NAV1: variants seen among roughly 807,000 people sequenced by gnomAD.
The protein encoded by NAV1 is pore membrane and/or filament interacting like protein 3.
In NAV1, 18 loss-of-function variants were observed where a neutral mutation model predicts 175.2. That is an observed-to-expected ratio of 0.10 (90% CI 0.07 to 0.15). The LOEUF (loss-of-function observed/expected upper bound fraction) is 0.15. Among genes scored for constraint, NAV1 ranks in the 10% least tolerant of loss-of-function variants. The probability of loss-of-function intolerance (pLI) is 1.00; values close to 1 mark genes in which losing one functional copy is unlikely to be tolerated. For synonymous variants in NAV1, 897 were observed against 978.7 expected, an observed-to-expected ratio of 0.92 and a Z score of 1.56; for missense variants, 1,731 against 2,436.6, an observed-to-expected ratio of 0.71 and a Z score of 6.10.
At chr1:201,637,955 T>C (rs762569622) in intron 2 of NAV1, among the ~76,000 whole-genome samples, 1 of 152,194 alleles carries the variant, frequency 6.6e-6, no homozygotes, top group Non-Finnish European at 1.5e-5. Flanking sequence ...GTGGGAAACA[T>C]CTGGACTTCT....
chr1:201,748,075 G>A (rs1673884221), intron 3 of NAV1, among the ~76,000 whole-genome samples: 2 of 152,236 alleles, frequency 1.3e-5, no homozygotes, highest in Non-Finnish European at 1.5e-5. Flanking sequence ...GGCTCTCTGA[G>A]TGAGAAAACT....
At chr1:201,548,116 A>T (rs562372519) in intron 1 of NAV1, among the ~76,000 whole-genome samples, 7 of 152,252 alleles carry the variant, frequency 4.6e-5, no homozygotes, top group African/African-American at 1.4e-4. Context: ...AGGTGTTAGC[A>T]CATGCTATGC....
chr1:201,695,824 G>A (rs1168129065), intron 1 of NAV1, among the ~76,000 whole-genome samples: 1 of 152,208 alleles, frequency 6.6e-6, no homozygotes, highest in East Asian at 1.9e-4. Flanking sequence ...CCAGGCCTGA[G>A]ACCCCACCCT....
intron 3 of NAV1, among the ~76,000 whole-genome samples, chr1:201,743,143 G>A (rs1372686123): frequency 1.3e-5 from 2 of 152,180 alleles, no homozygotes; most frequent in African/African-American, 4.8e-5. Context: ...AAAGATCACA[G>A]TAGTGGGATT....
chr1:201,766,717 A>G (rs1426182335), intron 3 of NAV1, among the ~76,000 whole-genome samples: 3 of 152,194 alleles, frequency 2.0e-5, no homozygotes, highest in African/African-American at 7.2e-5. Flanking sequence ...TGTAGCAGCT[A>G]AAGAACTCCA....
At position 201,750,370 on chromosome 1, in the gene NAV1, C is replaced by G. The variant is rs995277352; in HGVS notation, c.1227-30051C>G. Among the ~76,000 whole-genome samples, 3 of 151,904 alleles carry G rather than the reference C, an allele frequency of 2.0e-5. No homozygotes were observed. The highest frequency in any genetic ancestry group is 4.4e-5 in the Non-Finnish European group (3 of 67,978). ...AACTGTTCATGGTATGAGAGTTGAC[C>G]AAGTCAGGGTGGGGAGGGGAGGAAG... is the stretch of plus-strand genomic sequence containing the variant. On this transcript the variant is annotated intron_variant, in intron 3 of 29. Transcript: ENST00000367296. This position sits in a 1 kb window ranked among gnomAD's most constrained non-coding sequence, Gnocchi z 4.1.
At chr1:201,806,076 G>A (rs61821749) in intron 17 of NAV1, among the ~76,000 whole-genome samples, 12,271 of 150,626 alleles carry the variant, frequency 0.081, 814 homozygotes, top group East Asian at 0.31. Context: ...CCTCGGCCTC[G>A]CGGGTTCAAG....
intron 1 of NAV1, among the ~76,000 whole-genome samples, chr1:201,570,355 A>G (rs1325528134): frequency 6.6e-6 from 1 of 152,190 alleles, no homozygotes; most frequent in Non-Finnish European, 1.5e-5. Flanking sequence ...GTTCCTCTCT[A>G]GTTCCAGGGG....
chr1:201,756,171 A>G (rs913149344), intron 3 of NAV1, among the ~76,000 whole-genome samples: 14 of 151,718 alleles, frequency 9.2e-5, no homozygotes, highest in Non-Finnish European at 1.8e-4. Context: ...AAAAGTTGCC[A>G]CTTAACAGTT....
chr1:201,656,616 G>A (rs750772768), intron 1 of NAV1, among the ~76,000 whole-genome samples: 1 of 152,196 alleles, frequency 6.6e-6, no homozygotes. Flanking sequence ...CAAACCCCTA[G>A]AACTCGGGTG....
At chr1:201,636,367 G>T (rs1462821058) in intron 2 of NAV1, among the ~76,000 whole-genome samples, 1 of 152,190 alleles carries the variant, frequency 6.6e-6, no homozygotes, top group Non-Finnish European at 1.5e-5. Context: ...TAAGGCTGCG[G>T]GCAGGCTTAC....
At chr1:201,542,188 T>C (rs1665534066) in intron 1 of NAV1, among the ~76,000 whole-genome samples, 1 of 152,194 alleles carries the variant, frequency 6.6e-6, no homozygotes, top group Non-Finnish European at 1.5e-5. Flanking sequence ...TTAGGGCTCA[T>C]TCCCTTTCAG....
Position 201,812,800 on chromosome 1 carries a change from C to T in NAV1, c.5221+139C>T, listed in dbSNP as rs1678773629. On this transcript the variant is annotated intron_variant, in intron 27 of 29. Transcript: ENST00000367296. This position sits in a 1 kb window ranked among gnomAD's most constrained non-coding sequence, Gnocchi z 4.6. ...AAGCCTTGTGGCTTCAGACTTAGAA[C>T]CACTTAACGAGCCTTCCCAACACAG... The T allele has an allele frequency of 4.0e-6, 3 of 745,846 alleles. No individual in the cohort carries two copies. The African/African-American group carries it at 5.3e-5, about 13-fold the overall frequency. The allele number at this position is 745,846 out of a possible 1,614,324, so 46.2% of individuals were successfully genotyped here. A position where few individuals can be genotyped will look rare whatever the true frequency, so the allele number is the denominator to read the frequency against.
intron 1 of NAV1, among the ~76,000 whole-genome samples, chr1:201,571,955 A>G (rs1666556866): frequency 6.6e-6 from 1 of 152,328 alleles, no homozygotes; most frequent in African/African-American, 2.4e-5. Context: ...GGGAATACCT[A>G]ATGTGCCTAA....
intron 1 of NAV1, among the ~76,000 whole-genome samples, chr1:201,563,993 A>G (rs1417739120): frequency 6.6e-6 from 1 of 152,134 alleles, no homozygotes; most frequent in Non-Finnish European, 1.5e-5. Context: ...ACTACTCAGG[A>G]GGCTGGAGTG....
intron 1 of NAV1, among the ~76,000 whole-genome samples, chr1:201,689,268 C>A (rs2102412959): frequency 6.6e-6 from 1 of 152,324 alleles, no homozygotes; most frequent in South Asian, 2.1e-4. Context: ...GGATACGAAT[C>A]CAATTATGAA....
intron 8 of NAV1, among the ~76,000 whole-genome samples, chr1:201,785,788 C>CTTT (rs34841837): frequency 0.56 from 55,409 of 99,498 alleles, 17,267 homozygotes; most frequent in Non-Finnish European, 0.63. Flanking sequence ...ACTATTGCAA[C>CTTT]TTTTTTTTTT....
intron 3 of NAV1, among the ~76,000 whole-genome samples, chr1:201,776,366 G>A (rs1675943535): frequency 6.8e-6 from 1 of 148,134 alleles, no homozygotes; most frequent in South Asian, 2.1e-4. Flanking sequence ...AAAAGTTCGG[G>A]CATGGTGGTT....
At chr1:201,660,372 G>C (rs1264713445) in intron 1 of NAV1, among the ~76,000 whole-genome samples, 1 of 152,158 alleles carries the variant, frequency 6.6e-6, no homozygotes, top group African/African-American at 2.4e-5. Flanking sequence ...TCGAGAGGCT[G>C]TTGCTGCTCC....
Sources: allele counts gnomAD v4.1 joint callset (sites outside exome capture counted in the v4.1 genomes callset), GRCh38; gene constraint gnomAD v4.1.1; non-coding constraint Gnocchi (gnomAD v3.1); transcripts MANE v1.5; gene names NCBI Gene and HGNC (gene_info 2026-07-23, HGNC 2026-07-21).